The following EXT2 variants were observed in gnomAD, a reference collection of about 807,000 sequenced individuals.
EXT2 encodes exostosin glycosyltransferase 2.
A neutral mutation model predicts 81.6 loss-of-function variants in EXT2; 53 were observed. The observed-to-expected ratio is 0.65, with a 90% confidence interval of 0.52 to 0.82. EXT2 has a LOEUF of 0.82. Among genes scored for constraint, EXT2 ranks in the 40% least tolerant of loss-of-function variants. The pLI is 0.00. For synonymous variants in EXT2, 320 were observed against 340.0 expected, an observed-to-expected ratio of 0.94 and a Z score of 0.65; for missense variants, 774 against 910.2, an observed-to-expected ratio of 0.85 and a Z score of 1.93.
chr11:44,170,836 A>G (rs1220900238), intron 7 of EXT2, among the ~76,000 whole-genome samples: 2 of 148,328 alleles, frequency 1.3e-5, no homozygotes, highest in Non-Finnish European at 2.9e-5. Context: ...ACACACACAC[A>G]CACACACACA....
At chr11:44,204,562 C>T (rs1955559547) in intron 9 of EXT2, among the ~76,000 whole-genome samples, 2 of 152,292 alleles carry the variant, frequency 1.3e-5, no homozygotes, top group South Asian at 4.1e-4. Flanking sequence ...GCCATGAACC[C>T]GTAGCCATCT....
intron 8 of EXT2, among the ~76,000 whole-genome samples, chr11:44,195,038 A>G (rs936537085): frequency 6.6e-6 from 1 of 152,208 alleles, no homozygotes; most frequent in Non-Finnish European, 1.5e-5. Flanking sequence ...TAGAAGTACA[A>G]TGAGTTGCTA....
intron 8 of EXT2, among the ~76,000 whole-genome samples, chr11:44,172,333 C>G (rs1955087988): frequency 6.6e-6 from 1 of 152,184 alleles, no homozygotes; most frequent in Admixed American, 6.5e-5. Context: ...GTGAAGGAAT[C>G]ACAAGGCACA....
chr11:44,200,457 AGAAGAAAAGGCAG>A (rs1955509697), intron 9 of EXT2, among the ~76,000 whole-genome samples: 1 of 152,208 alleles, frequency 6.6e-6, no homozygotes. Context: ...GAGCTTTGTC[AGAAGAAAAGGCAG>A]GCTACTGCCT....
chr11:44,173,726 G>A (rs1361617176), intron 8 of EXT2, among the ~76,000 whole-genome samples: 1 of 151,586 alleles, frequency 6.6e-6, no homozygotes, highest in Non-Finnish European at 1.5e-5. Flanking sequence ...CCGCCACCAC[G>A]TCCGGCTAAT....
chr11:44,199,405 C>T (rs1251709766), intron 9 of EXT2, among the ~76,000 whole-genome samples: 1 of 152,208 alleles, frequency 6.6e-6, no homozygotes, highest in African/African-American at 2.4e-5. Context: ...TAATTAGTCC[C>T]TTCGTTTATA....
chr11:44,115,371 A>G (rs556180079), intron 4 of EXT2, among the ~76,000 whole-genome samples: 299 of 152,252 alleles, frequency 2.0e-3, no homozygotes, highest in Non-Finnish European at 3.1e-3. Context: ...TTAAACTACC[A>G]TATCTTCAGT....
At chr11:44,138,211 A>G (rs1361303526) in intron 7 of EXT2, among the ~76,000 whole-genome samples, 2 of 152,154 alleles carry the variant, frequency 1.3e-5, no homozygotes, top group Non-Finnish European at 2.9e-5. Context: ...GAAGGGAAGG[A>G]CGGTAACTAA....
At chr11:44,119,139 T>TAC (rs1555004255) in intron 4 of EXT2, among the ~76,000 whole-genome samples, 2 of 24,650 alleles carry the variant, frequency 8.1e-5, no homozygotes, top group East Asian at 2.9e-3. Context: ...TATATATATA[T>TAC]ATATATATAT....
At chr11:44,203,387 G>A (rs1321141038) in intron 9 of EXT2, among the ~76,000 whole-genome samples, 1 of 152,136 alleles carries the variant, frequency 6.6e-6, no homozygotes, top group Non-Finnish European at 1.5e-5. Context: ...CACATCCACT[G>A]GATTAGTAAA....
chr11:44,111,086 CT>C (rs1954136062), intron 3 of EXT2, among the ~76,000 whole-genome samples: 1 of 152,096 alleles, frequency 6.6e-6, no homozygotes, highest in South Asian at 2.1e-4. Flanking sequence ...AACAGATGGG[CT>C]AGATTAGACT....
At chr11:44,103,879 T>TG in intron 1 of EXT2, 1 of 175,218 alleles carries the variant, frequency 5.7e-6, no homozygotes, top group South Asian at 1.2e-4. Context: ...GGTATTTATT[T>TG]GCACCTTTTT....
At chr11:44,223,921 G>C (rs1955810919) in intron 10 of EXT2, among the ~76,000 whole-genome samples, 1 of 152,158 alleles carries the variant, frequency 6.6e-6, no homozygotes, top group South Asian at 2.1e-4. Flanking sequence ...AAAGTGCTAG[G>C]ATTACATGAG....
intron 1 of EXT2, chr11:44,104,932 T>C (rs1954034159): frequency 6.6e-6 from 1 of 152,192 alleles, no homozygotes; most frequent in African/African-American, 2.4e-5. Context: ...ACTCCAAAGA[T>C]GATAATCTTT....
At chr11:44,120,130 A>G (rs982860370) in intron 4 of EXT2, among the ~76,000 whole-genome samples, 1 of 152,240 alleles carries the variant, frequency 6.6e-6, no homozygotes, top group Non-Finnish European at 1.5e-5. Context: ...AATTAGTTTC[A>G]GAGATTTAGA....
intron 10 of EXT2, among the ~76,000 whole-genome samples, chr11:44,214,302 G>A (rs1351690198): frequency 6.6e-6 from 1 of 152,028 alleles, no homozygotes; most frequent in Non-Finnish European, 1.5e-5. Flanking sequence ...TTTTAGTAGA[G>A]ACGGGGTTTA....
chr11:44,201,027 T>C (rs1955515756), intron 9 of EXT2, among the ~76,000 whole-genome samples: 1 of 152,216 alleles, frequency 6.6e-6, no homozygotes, highest in African/African-American at 2.4e-5. Flanking sequence ...AGCTGTTTGT[T>C]TTTCATAAAT....
At chr11:44,110,712 A>G (rs142122292) in intron 3 of EXT2, among the ~76,000 whole-genome samples, 1 of 152,320 alleles carries the variant, frequency 6.6e-6, no homozygotes, top group East Asian at 1.9e-4. Flanking sequence ...TCAAGTGCAC[A>G]TGTTAAATGC....
intron 7 of EXT2, among the ~76,000 whole-genome samples, chr11:44,164,488 T>C (rs927773136): frequency 1.2e-4 from 18 of 152,226 alleles, no homozygotes; most frequent in Non-Finnish European, 2.4e-4. Context: ...TAAATACTTA[T>C]TATTGCTAAT....
Sources: gnomAD v4.1 joint callset for allele counts (sites outside exome capture counted in the v4.1 genomes callset) on GRCh38, gnomAD v4.1.1 for gene constraint, MANE v1.5 for transcripts, NCBI Gene and HGNC (gene_info 2026-07-23, HGNC 2026-07-21) for gene names.